The following ALKBH8 variants were observed in gnomAD, a reference collection of about 807,000 sequenced individuals.
ALKBH8 encodes the protein tRNA (carboxymethyluridine(34)-5-O)-methyltransferase ALKBH8.
ALKBH8 carries 36 observed loss-of-function variants against 59.8 expected under a neutral mutation model. The observed-to-expected ratio is 0.60, with a 90% CI of 0.46 to 0.79. The LOEUF (loss-of-function observed/expected upper bound fraction) is 0.79. Among genes scored for constraint, ALKBH8 ranks in the 30% least tolerant of loss-of-function variants. The pLI, the probability that ALKBH8 is intolerant of heterozygous loss-of-function variation, is 0.00. For missense variants in ALKBH8, 768 were observed against 801.0 expected (o/e 0.96, Z 0.50); for synonymous variants, 276 against 273.6 (o/e 1.01, Z -0.09).
chr11:107,561,964 T>C (rs1241830627), intron 1 of ALKBH8, among the ~76,000 whole-genome samples: 1 of 152,172 alleles, frequency 6.6e-6, no homozygotes, highest in Non-Finnish European at 1.5e-5. Flanking sequence ...TATAATTTAA[T>C]GCTGATGGTA....
chr11:107,546,684 G>A (rs1864271173), intron 7 of ALKBH8, among the ~76,000 whole-genome samples: 1 of 152,064 alleles, frequency 6.6e-6, no homozygotes, highest in Non-Finnish European at 1.5e-5. Context: ...TGGGTTTTCT[G>A]CTGTTAATTG....
intron 5 of ALKBH8, among the ~76,000 whole-genome samples, chr11:107,552,690 T>C (rs561110569): frequency 1.1e-3 from 164 of 152,322 alleles, no homozygotes; most frequent in South Asian, 7.2e-3. Flanking sequence ...CGTTTTTTAG[T>C]GAACATAAAC....
chr11:107,534,135 A>AGAAT (rs1555045470), intron 7 of ALKBH8, among the ~76,000 whole-genome samples: 1 of 152,154 alleles, frequency 6.6e-6, no homozygotes, highest in Admixed American at 6.6e-5. Context: ...GTCTCACCAA[A>AGAAT]AAATAAATAA....
intron 1 of ALKBH8, among the ~76,000 whole-genome samples, chr11:107,563,058 T>G (rs190573250): frequency 1.7e-3 from 258 of 152,152 alleles, no homozygotes; most frequent in Middle Eastern, 6.8e-3. Flanking sequence ...TGAGTCATAT[T>G]TAGGATAGAA....
intron 2 of ALKBH8, among the ~76,000 whole-genome samples, chr11:107,559,168 C>T (rs567284700): frequency 3.9e-5 from 6 of 152,296 alleles, no homozygotes; most frequent in African/African-American, 7.2e-5. Flanking sequence ...CCTTCTGCCA[C>T]GATTGTGAGG....
At chr11:107,524,762 A>G (rs145286328) in intron 9 of ALKBH8, among the ~76,000 whole-genome samples, 2 of 152,274 alleles carry the variant, frequency 1.3e-5, no homozygotes, top group African/African-American at 2.4e-5. Flanking sequence ...GATTATGACT[A>G]AATCCAAAAG....
intron 9 of ALKBH8, 84 bp downstream of exon 9, chr11:107,525,357 C>T: frequency 1.6e-6 from 2 of 1,258,534 alleles, no homozygotes; most frequent in South Asian, 1.8e-5. Context: ...TCAGAAAAAG[C>T]TCTCCTAGGT....
Position 107,503,886 on chromosome 11 carries a change from C to A in ALKBH8, c.*772G>T, listed in dbSNP as rs956500842. 3 of 152,144 alleles carry A rather than the reference C, an allele frequency of 2.0e-5. No individual in the cohort carries two copies. 9.4% of individuals were successfully genotyped at this position (152,144 alleles called of 1,614,324 possible). On this transcript the variant is annotated 3_prime_UTR_variant, in exon 12 of 12. Coordinates refer to ENST00000428149, the MANE Select transcript of ALKBH8 (RefSeq NM_138775.3). The stretch of plus-strand genomic sequence containing the variant: ...GTTATTTCAGTCACTTAAAAGTAAT[C>A]TTTTGCTCCAAGGTGAATCGTCTCT...
At chr11:107,549,006 A>G (rs1208314477) in intron 7 of ALKBH8, among the ~76,000 whole-genome samples, 2 of 152,000 alleles carry the variant, frequency 1.3e-5, no homozygotes, top group African/African-American at 4.8e-5. Context: ...ACATGCCACC[A>G]TGCCCGGCTA....
At chr11:107,529,656 C>T (rs1863499844) in intron 8 of ALKBH8, among the ~76,000 whole-genome samples, 1 of 147,854 alleles carries the variant, frequency 6.8e-6, no homozygotes, top group Non-Finnish European at 1.5e-5. Flanking sequence ...AGGCACACGC[C>T]ACTATGCCTG....
chr11:107,528,456 G>T (rs77509408), intron 8 of ALKBH8, among the ~76,000 whole-genome samples: 2,388 of 152,174 alleles, frequency 0.016, 76 homozygotes, highest in African/African-American at 0.055. Flanking sequence ...GCAAAAAAAA[G>T]CAATCATTGC....
At position 107,510,907 on chromosome 11, in the gene ALKBH8, T is replaced by C. The variant is rs1862593925; in HGVS notation, c.1417A>G (p.Ile473Val). The C allele has an allele frequency of 6.4e-7, 1 of 1,551,226 alleles. No homozygotes were observed. The highest frequency in any genetic ancestry group is 2.0e-5 in the Admixed American group (1 of 50,958). ...CTTACTGCTGTTGCAAAATGATGAA[T>C]AACAGCAATGGAGATGCAGGCATCA... ...SCDACISIAV[I>V]HHFATAERRV... The change falls in exon 11 of 12, where the codon ATT becomes GTT. Residue 473 changes from isoleucine to valine, a missense_variant. By Grantham distance (29) the Ile-to-Val change is conservative. Transcript: ENST00000428149.
chr11:107,565,596 C>G lies in ALKBH8; in HGVS notation c.-7+5G>C, dbSNP rs1565355618. ...GTATGCCCGCCAGTAAGAAGTGCCA[C>G]ACACCTCCGCTTCGGCTCAGGCCGG... On this transcript the variant is annotated splice_donor_5th_base_variant and intron_variant, in intron 1 of 11. Transcript: ENST00000428149. The G allele has an allele frequency of 6.5e-7, 1 of 1,535,750 alleles. No homozygotes were observed.
At chr11:107,514,396 C>T (rs751227529) in intron 10 of ALKBH8, among the ~76,000 whole-genome samples, 5 of 152,080 alleles carry the variant, frequency 3.3e-5, no homozygotes, top group Admixed American at 6.6e-5. Flanking sequence ...AATTTGTAAT[C>T]GGTATTAAAC....
intron 7 of ALKBH8, among the ~76,000 whole-genome samples, chr11:107,549,133 A>G (rs540088380): frequency 5.5e-4 from 83 of 151,864 alleles, no homozygotes; most frequent in African/African-American, 2.0e-3. Flanking sequence ...TTACAGGCAT[A>G]AGCCACCGCA....
At chr11:107,535,228 T>A (rs753020837) in intron 7 of ALKBH8, among the ~76,000 whole-genome samples, 2 of 152,224 alleles carry the variant, frequency 1.3e-5, no homozygotes, top group African/African-American at 4.8e-5. Flanking sequence ...TGTGCAATTA[T>A]CTTTTTTGTA....
In ALKBH8 at chr11:107,564,459, A is replaced by G. The variant is rs112746013; in HGVS notation, c.-7+1142T>C. 5.0e-3 allele frequency among the ~76,000 whole-genome samples: 757 copies of G among 152,242 alleles called. 7 individuals carry two copies. Among genetic ancestry groups the G allele is most frequent in the African/African-American group, 0.018 (733 of 41,540 alleles). On this transcript the variant is annotated intron_variant, in intron 1 of 11. Transcript: ENST00000428149. ...CTAACTTCCTATCAAACGAGGCCCA[A>G]TTTTAACGTACGGCACTGGTATACA...
chr11:107,559,620 C>T (rs112179214), intron 2 of ALKBH8, among the ~76,000 whole-genome samples: 3 of 152,136 alleles, frequency 2.0e-5, no homozygotes, highest in African/African-American at 7.2e-5. Context: ...TGTCTCACAG[C>T]CTCAGTGGCT....
At position 107,508,133 on chromosome 11, in the gene ALKBH8, G is replaced by C. The variant is rs1862468746; in HGVS notation, c.1437+2754C>G. On this transcript the variant is annotated intron_variant, in intron 11 of 11. Transcript: ENST00000428149. ...CTGGGTCTTCTCCATCTTGTGCCCA[G>C]CTATTTGCTTAATAGCAGTGTGTAA... 2.0e-5 allele frequency among the ~76,000 whole-genome samples: 3 copies of C among 151,056 alleles called. No individual in the cohort carries two copies. The South Asian group carries it at 6.3e-4, about 31-fold the overall frequency.
Sources: gnomAD v4.1 joint callset for allele counts (sites outside exome capture counted in the v4.1 genomes callset) on GRCh38, gnomAD v4.1.1 for gene constraint, MANE v1.5 for transcripts, NCBI Gene and HGNC (gene_info 2026-07-23, HGNC 2026-07-21) for gene names.